The following DHX8 variants were observed in gnomAD, a reference collection of about 807,000 sequenced individuals.
The protein encoded by DHX8 is ATP-dependent RNA helicase DHX8.
DHX8 carries 67 observed loss-of-function variants against 140.7 expected under a neutral mutation model. That is an observed-to-expected ratio of 0.48 (90% confidence interval 0.39 to 0.58). The LOEUF (loss-of-function observed/expected upper bound fraction) is 0.58, where lower values mean the gene tolerates loss of function less well. Among genes scored for constraint, DHX8 ranks in the 20% least tolerant of loss-of-function variants. The pLI is 0.00. For synonymous variants in DHX8, 533 were observed against 553.2 expected, an observed-to-expected ratio of 0.96 and a Z score of 0.51; for missense variants, 887 against 1,550.7, an observed-to-expected ratio of 0.57 and a Z score of 7.19.
In DHX8 at chr17:43,507,191, C is replaced by G. The variant is rs758136215; in HGVS notation, c.1917C>G (p.Gly639=). The G allele has an allele frequency of 1.2e-6, 2 of 1,611,832 alleles. No homozygotes were observed. The highest frequency in any genetic ancestry group is 2.2e-5 in the South Asian group (2 of 90,746). ...RVSEEFGCCL[G]QEVGYTIRFE... ...CAGAGGAGTTTGGTTGTTGCTTAGGCCAAGAGGTAAGTAGATAGTGGAGTC... is the reference window on the plus strand; with the variant it reads ...CAGAGGAGTTTGGTTGTTGCTTAGGGCAAGAGGTAAGTAGATAGTGGAGTC... The change falls in exon 13 of 23, where the codon GGC becomes GGG. Residue 639 remains glycine, a synonymous_variant. Coordinates refer to ENST00000262415, the MANE Select transcript of DHX8 (RefSeq NM_004941.3).
intron 3 of DHX8, among the ~76,000 whole-genome samples, chr17:43,537,961 T>C (rs1447257689): frequency 3.9e-5 from 6 of 152,058 alleles, no homozygotes; most frequent in Non-Finnish European, 8.8e-5. Context: ...ACCCTGTCTC[T>C]ACTAAAAATA....
chr17:43,485,269 A>G (rs2154586218), intron 1 of DHX8, among the ~76,000 whole-genome samples: 1 of 152,274 alleles, frequency 6.6e-6, no homozygotes, highest in Admixed American at 6.5e-5. Flanking sequence ...AAAGTCATCA[A>G]CCGGAGGGAT....
chr17:43,513,910 A>C (rs549715473), intron 17 of DHX8, among the ~76,000 whole-genome samples: 22 of 152,062 alleles, frequency 1.4e-4, no homozygotes, highest in Admixed American at 5.9e-4. Flanking sequence ...ACGGGGTTTC[A>C]TCATGTTGGT....
At chr17:43,496,356 T>A (rs563651282) in intron 9 of DHX8, 88 bp downstream of exon 9, 2 of 866,174 alleles carry the variant, frequency 2.3e-6, no homozygotes, top group South Asian at 3.1e-5. Context: ...CAGTGGCTAT[T>A]AATCATTTGT....
At chr17:43,531,567 G>C (rs924332810), downstream of DHX8, among the ~76,000 whole-genome samples, 9 of 152,196 alleles carry the variant, frequency 5.9e-5, no homozygotes, top group Non-Finnish European at 1.3e-4. Context: ...AGCTGGGCAT[G>C]GTGATGGGCA....
chr17:43,511,455 C>CTTTTTTTTTTTT (rs1279628229), intron 16 of DHX8, among the ~76,000 whole-genome samples: 17 of 6,566 alleles, frequency 2.6e-3, no homozygotes, highest in South Asian at 7.2e-3. Flanking sequence ...GTGATCCCAG[C>CTTTTTTTTTTTT]ATTTTTTTTT....
chr17:43,520,837 T>C lies in DHX8; in HGVS notation c.3024T>C (p.Ile1008=). The C allele has an allele frequency of 6.2e-7, 1 of 1,614,152 alleles. No individual in the cohort carries two copies. Among genetic ancestry groups the C allele is most frequent in the Non-Finnish European group, 8.5e-7 (1 of 1,180,016 alleles). The change falls in exon 20 of 23, where the codon ATT becomes ATC. Residue 1008 remains isoleucine (I), a synonymous_variant. Coordinates refer to ENST00000262415, the MANE Select transcript of DHX8 (RefSeq NM_004941.3). The part of the protein sequence containing the change: ...HLGCSEEMLT[I]VSMLSVQNVF... ...GCTGCAGTGAGGAAATGCTGACCAT[T>C]GTATCCATGCTGTCTGTGCAGAACG...
At position 43,520,139 on chromosome 17, in the gene DHX8, A is replaced by G. The variant is rs1970305505; in HGVS notation, c.2809A>G (p.Ile937Val). ...STVLSLKAMG[I>V]NDLLSFDFMD... ...TTCCTTTCTGTTCTAGGCCATGGGTATCAATGATCTGCTGTCCTTTGATTT... is the reference window on the plus strand; with the variant it reads ...TTCCTTTCTGTTCTAGGCCATGGGTGTCAATGATCTGCTGTCCTTTGATTT... The change falls in exon 19 of 23, where the codon ATC (isoleucine) becomes GTC (valine). Residue 937 changes from isoleucine to valine, a missense_variant. Ile to Val is a conservative substitution (Grantham distance 29). Around this residue, in one of 9 missense-constraint regions of DHX8, gnomAD observed 151 missense variants for 388.3 expected, o/e 0.39. Coordinates refer to ENST00000262415, the MANE Select transcript of DHX8 (RefSeq NM_004941.3). 1.2e-6 allele frequency: 2 copies of G among 1,614,174 alleles called. No individual in the cohort carries two copies. Among genetic ancestry groups the G allele is most frequent in the African/African-American group, 2.7e-5 (2 of 75,040 alleles).
chr17:43,526,778 T>A (rs1028510488), downstream of DHX8: 16 of 1,126,068 alleles, frequency 1.4e-5, no homozygotes, highest in Non-Finnish European at 1.9e-5. Flanking sequence ...AATTAAATTA[T>A]ATATTTTTAA....
At chr17:43,504,205 T>C (rs1381831485) in intron 11 of DHX8, among the ~76,000 whole-genome samples, 1 of 151,322 alleles carries the variant, frequency 6.6e-6, no homozygotes, top group Non-Finnish European at 1.5e-5. Flanking sequence ...TTTGGGAGGG[T>C]GAGATGGGTG....
At chr17:43,513,617 G>A in intron 17 of DHX8, 115 bp downstream of exon 17, 1 of 1,070,170 alleles carries the variant, frequency 9.3e-7, no homozygotes, top group Non-Finnish European at 1.3e-6. Flanking sequence ...TATGATACTG[G>A]GTACTATAAT....
At chr17:43,534,335 CA>C (rs1207008778) in intron 2 of DHX8, among the ~76,000 whole-genome samples, 6 of 149,686 alleles carry the variant, frequency 4.0e-5, no homozygotes, top group Non-Finnish European at 5.9e-5. Context: ...ACTAAAAATA[CA>C]AAAAAAAATT....
chr17:43,525,241 C>T lies in DHX8; in HGVS notation c.*1394C>T. 6.1e-6 allele frequency: 6 copies of T among 985,436 alleles called. No homozygotes were observed. The highest frequency in any genetic ancestry group is 7.2e-6 in the Non-Finnish European group (6 of 829,944). 61.0% of individuals were successfully genotyped at this position (985,436 alleles called of 1,614,324 possible). A position where few individuals can be genotyped will look rare whatever the true frequency, so the allele number is the denominator to read the frequency against. On this transcript the variant is annotated 3_prime_UTR_variant, in exon 23 of 23. Coordinates refer to ENST00000262415, the MANE Select transcript of DHX8 (RefSeq NM_004941.3). ...CTGTTACGTTGCTGCTTCTCCTGTC[C>T]TTATGTTATTAGTAAGTTCTGAAGT...
downstream of DHX8, chr17:43,528,632 C>G: frequency 6.2e-7 from 1 of 1,614,190 alleles, no homozygotes; most frequent in Non-Finnish European, 8.5e-7. Context: ...TCCTCACTGA[C>G]AGGCCGGTCA....
At chr17:43,484,996 G>A (rs71382971) in intron 1 of DHX8, among the ~76,000 whole-genome samples, 2,058 of 152,238 alleles carry the variant, frequency 0.014, 48 homozygotes, top group African/African-American at 0.048. Flanking sequence ...CATCTGGGGA[G>A]CCGAAACTGA....
intron 3 of DHX8, among the ~76,000 whole-genome samples, chr17:43,536,933 C>T (rs73304591): frequency 0.028 from 4,189 of 152,298 alleles, 182 homozygotes; most frequent in African/African-American, 0.096. Context: ...CTTCTAGATG[C>T]TTTGTCTTTA....
chr17:43,523,279 C>G (rs1970474262), intron 22 of DHX8, among the ~76,000 whole-genome samples: 1 of 152,172 alleles, frequency 6.6e-6, no homozygotes, highest in African/African-American at 2.4e-5. Flanking sequence ...TGTGAGGCCC[C>G]TCTTCAGAGC....
At chr17:43,529,609 C>T, downstream of DHX8, 1 of 1,614,132 alleles carries the variant, frequency 6.2e-7, no homozygotes, top group Non-Finnish European at 8.5e-7. Context: ...GCCACAGCTG[C>T]AGGGCACCCC....
At chr17:43,493,363 T>A (rs1179545645) in intron 6 of DHX8, 82 bp from the exon 7 acceptor site, 1 of 1,539,806 alleles carries the variant, frequency 6.5e-7, no homozygotes, top group Non-Finnish European at 8.8e-7. Context: ...CCATTTTCTT[T>A]TGTTAGTTCC....
Sources: gnomAD v4.1 joint callset for allele counts (sites outside exome capture counted in the v4.1 genomes callset) on GRCh38, gnomAD v4.1.1 for gene constraint, gnomAD v4.1.1 regional missense constraint, MANE v1.5 for transcripts, NCBI Gene and HGNC (gene_info 2026-07-23, HGNC 2026-07-21) for gene names.